The following PCCA variants were observed in gnomAD, a reference collection of about 807,000 sequenced individuals.
The protein encoded by PCCA is propionyl-CoA carboxylase alpha chain, mitochondrial.
PCCA carries 74 observed loss-of-function variants against 101.3 expected under a neutral mutation model. The observed-to-expected ratio is 0.73, with a 90% confidence interval of 0.61 to 0.89. The LOEUF is 0.89. Among genes scored for constraint, PCCA ranks in the 40% least tolerant of loss-of-function variants. PCCA has a pLI of 0.00. For missense variants in PCCA, 891 were observed against 907.0 expected, an observed-to-expected ratio of 0.98 and a Z score of 0.23; for synonymous variants, 294 against 313.6, an observed-to-expected ratio of 0.94 and a Z score of 0.66.
intron 19 of PCCA, among the ~76,000 whole-genome samples, chr13:100,406,567 G>C (rs2077694643): frequency 6.6e-6 from 1 of 152,134 alleles, no homozygotes; most frequent in Non-Finnish European, 1.5e-5. Context: ...AGCTGGGTGT[G>C]GTGGCACATG....
chr13:100,238,065 A>G (rs1398064221), intron 8 of PCCA, among the ~76,000 whole-genome samples: 1 of 150,792 alleles, frequency 6.6e-6, no homozygotes, highest in Non-Finnish European at 1.5e-5. Context: ...TCACCTCCTG[A>G]GTAGCTGGGA....
At chr13:100,410,868 T>A (rs1335089095) in intron 19 of PCCA, among the ~76,000 whole-genome samples, 1 of 152,202 alleles carries the variant, frequency 6.6e-6, no homozygotes, top group East Asian at 1.9e-4. Context: ...CTATAATATA[T>A]ACTCTTTGAC....
intron 19 of PCCA, among the ~76,000 whole-genome samples, chr13:100,388,291 A>G (rs900497617): frequency 1.3e-5 from 2 of 151,970 alleles, no homozygotes; most frequent in Non-Finnish European, 2.9e-5. Flanking sequence ...CAACATAGTG[A>G]GACCCTGTCT....
chr13:100,384,750 C>G lies in PCCA; in HGVS notation c.1746+16176C>G, dbSNP rs555441023. 5.3e-5 allele frequency among the ~76,000 whole-genome samples: 8 copies of G among 152,234 alleles called. No homozygotes were observed. The East Asian group carries it at 1.5e-3, about 29-fold the overall frequency. The stretch of plus-strand genomic sequence containing the variant: ...AGTAAACAAGGTGAGTTAACTATTA[C>G]ATTTATGCCTATTATAGGCTTTTAG... On this transcript the variant is annotated intron_variant, in intron 19 of 23. Coordinates refer to ENST00000376285, the MANE Select transcript of PCCA (RefSeq NM_000282.4).
At chr13:100,190,288 AG>A (rs1311698063) in intron 6 of PCCA, among the ~76,000 whole-genome samples, 2 of 152,252 alleles carry the variant, frequency 1.3e-5, no homozygotes, top group Admixed American at 1.3e-4. Flanking sequence ...AAAATTCAAA[AG>A]GGCTTTTGAA....
At chr13:100,286,641 CT>C (rs1422764296) in intron 12 of PCCA, among the ~76,000 whole-genome samples, 4 of 151,840 alleles carry the variant, frequency 2.6e-5, no homozygotes, top group African/African-American at 4.8e-5. Context: ...TTACAGCTTT[CT>C]TTTCAAACTT....
At chr13:100,316,314 T>C (rs1302554745) in intron 16 of PCCA, among the ~76,000 whole-genome samples, 1 of 152,228 alleles carries the variant, frequency 6.6e-6, no homozygotes, top group Non-Finnish European at 1.5e-5. Context: ...GAGATAAAAG[T>C]CTGTGTTTTT....
At position 100,394,287 on chromosome 13, in the gene PCCA, A is replaced by G. The variant is rs901998095; in HGVS notation, c.1746+25713A>G. ...CAAAGAAAGAGGGGTTTAGGGTTCTATGTTGTACTGCTTTTTGATGTTGGT... is the reference window on the plus strand; with the variant it reads ...CAAAGAAAGAGGGGTTTAGGGTTCTGTGTTGTACTGCTTTTTGATGTTGGT... On this transcript the variant is annotated intron_variant, in intron 19 of 23. Coordinates refer to ENST00000376285, the MANE Select transcript of PCCA (RefSeq NM_000282.4). The surrounding 1 kb of genome is among the most constrained non-coding windows in gnomAD (Gnocchi z 4.3). 6.6e-6 allele frequency among the ~76,000 whole-genome samples: 1 copy of G among 152,176 alleles called. No homozygotes were observed. The highest frequency in any genetic ancestry group is 2.4e-5 in the African/African-American group (1 of 41,446).
chr13:100,324,769 A>G (rs1331045295), intron 16 of PCCA, among the ~76,000 whole-genome samples: 1 of 152,208 alleles, frequency 6.6e-6, no homozygotes, highest in Non-Finnish European at 1.5e-5. Flanking sequence ...AGTGAGTTCA[A>G]GTGTTGCGAG....
At chr13:100,493,074 C>T (rs144977477) in intron 21 of PCCA, among the ~76,000 whole-genome samples, 31 of 152,288 alleles carry the variant, frequency 2.0e-4, no homozygotes, top group African/African-American at 5.8e-4. Context: ...CGTAGCCATC[C>T]GCAGATGGCA....
chr13:100,158,943 A>G (rs1440194472), intron 6 of PCCA, among the ~76,000 whole-genome samples: 1 of 151,444 alleles, frequency 6.6e-6, no homozygotes, highest in Non-Finnish European at 1.5e-5. Flanking sequence ...ATCCAAATCC[A>G]AATTATATGA....
intron 6 of PCCA, among the ~76,000 whole-genome samples, chr13:100,179,379 A>C (rs966936878): frequency 4.6e-5 from 7 of 152,134 alleles, no homozygotes; most frequent in Admixed American, 3.3e-4. Flanking sequence ...TTACTGGAAA[A>C]AAAAGACTAA....
chr13:100,309,900 T>C lies in PCCA; in HGVS notation c.1421T>C (p.Val474Ala), dbSNP rs1023466544. ...ATGGCAGATGCACTGGATAACTATG[T>C]TATTCGAGGTAAAAACAAAGATTTG... The part of the protein sequence containing the change: ...KRMADALDNY[V>A]IRGVTHNIAL... Residue 474 changes from valine (V) to alanine (A), a missense_variant, in exon 16 of 24, where the codon GTT becomes GCT. Coordinates refer to ENST00000376285, the MANE Select transcript of PCCA (RefSeq NM_000282.4). The C allele has an allele frequency of 1.2e-6, 2 of 1,610,494 alleles. No individual in the cohort carries two copies. Among genetic ancestry groups the C allele is most frequent in the African/African-American group, 2.7e-5 (2 of 74,836 alleles).
At chr13:100,275,393 G>A (rs1018983936) in intron 12 of PCCA, among the ~76,000 whole-genome samples, 8 of 152,162 alleles carry the variant, frequency 5.3e-5, no homozygotes, top group African/African-American at 1.2e-4. Context: ...CTCCCCAGCC[G>A]TGGGGAAGCT....
chr13:100,435,798 C>T (rs2079888271), intron 20 of PCCA, among the ~76,000 whole-genome samples: 1 of 152,078 alleles, frequency 6.6e-6, no homozygotes, highest in Non-Finnish European at 1.5e-5. Context: ...AATCCCAGCA[C>T]TTTGGGAGGC....
At chr13:100,289,494 T>G (rs191038171) in intron 12 of PCCA, among the ~76,000 whole-genome samples, 1 of 152,232 alleles carries the variant, frequency 6.6e-6, no homozygotes, top group Non-Finnish European at 1.5e-5. Flanking sequence ...TCTTTTAGTG[T>G]GAAAATTTAA....
intron 19 of PCCA, among the ~76,000 whole-genome samples, chr13:100,412,274 G>A (rs1184331559): frequency 6.6e-6 from 1 of 152,190 alleles, no homozygotes; most frequent in Non-Finnish European, 1.5e-5. Flanking sequence ...TAAGGAGAGG[G>A]TCCTTGTACT....
chr13:100,219,451 C>T (rs2059693049), intron 7 of PCCA, among the ~76,000 whole-genome samples: 1 of 151,968 alleles, frequency 6.6e-6, no homozygotes, highest in Non-Finnish European at 1.5e-5. Context: ...GAGATTTTTC[C>T]TTATGAAATT....
Position 100,273,295 on chromosome 13 carries a change from T to G in PCCA, c.1014T>G (p.Leu338=). 6.2e-7 allele frequency: 1 copy of G among 1,612,738 alleles called. No homozygotes were observed. Among genetic ancestry groups the G allele is most frequent in the Non-Finnish European group, 8.5e-7 (1 of 1,178,734 alleles). The change falls in exon 12 of 24, where the codon CTT becomes CTG. Residue 338 remains leucine, a synonymous_variant. Coordinates refer to ENST00000376285, the MANE Select transcript of PCCA (RefSeq NM_000282.4). ...CCTCTGCTGGGACCGTGGAGTTCCT[T>G]GTGGACTCTAAGAAGAATTTTTATT... is the stretch of plus-strand genomic sequence containing the variant. The part of the protein sequence containing the change: ...KYSSAGTVEF[L]VDSKKNFYFL...
Sources: gnomAD v4.1 joint callset for allele counts (sites outside exome capture counted in the v4.1 genomes callset) on GRCh38, gnomAD v4.1.1 for gene constraint, Gnocchi (gnomAD v3.1) non-coding constraint, MANE v1.5 for transcripts, NCBI Gene and HGNC (gene_info 2026-07-23, HGNC 2026-07-21) for gene names.